The following PTPN3 variants were observed in gnomAD, a reference collection of about 807,000 sequenced individuals.
The protein encoded by PTPN3 is tyrosine-protein phosphatase non-receptor type 3.
A neutral mutation model predicts 132.7 loss-of-function variants in PTPN3; 96 were observed. The ratio of observed to expected loss-of-function variants is 0.72; its 90% confidence interval spans 0.61 to 0.86. The LOEUF (loss-of-function observed/expected upper bound fraction) is 0.86. Among genes scored for constraint, PTPN3 ranks in the 40% least tolerant of loss-of-function variants. PTPN3 has a pLI of 0.00. For missense variants in PTPN3, 1,125 were observed against 1,159.6 expected, an observed-to-expected ratio of 0.97 and a Z score of 0.43; for synonymous variants, 398 against 429.0, an observed-to-expected ratio of 0.93 and a Z score of 0.89.
chr9:109,414,365 G>C (rs1380284069), intron 14 of PTPN3, among the ~76,000 whole-genome samples: 1 of 152,212 alleles, frequency 6.6e-6, no homozygotes, highest in Non-Finnish European at 1.5e-5. Flanking sequence ...CAGCTCTCAG[G>C]TGCTGCAGCT....
intron 1 of PTPN3, among the ~76,000 whole-genome samples, chr9:109,466,175 G>A (rs1031101412): frequency 1.3e-5 from 2 of 152,110 alleles, no homozygotes; most frequent in South Asian, 4.1e-4. Context: ...ACCTAGGTCT[G>A]GTAGAGTTAG....
At chr9:109,506,606 T>TC in the PTPN3 span, among the ~76,000 whole-genome samples, 1 of 110,536 alleles carries the variant, frequency 9.0e-6, no homozygotes, top group Non-Finnish European at 1.8e-5. Context: ...TTTCTTTCTT[T>TC]CTTTTTTTTT....
chr9:109,483,680 C>T (rs1025067020), intron 1 of PTPN3, among the ~76,000 whole-genome samples: 17 of 152,166 alleles, frequency 1.1e-4, no homozygotes, highest in Non-Finnish European at 1.6e-4. Flanking sequence ...AAAGCTCTCA[C>T]CGGGCTCTTA....
In PTPN3 at chr9:109,391,459, C is replaced by T. The variant is rs778535185; in HGVS notation, c.2044+12G>A. 27 of 1,602,912 alleles carry T rather than the reference C, an allele frequency of 1.7e-5. No individual in the cohort carries two copies. The highest frequency in any genetic ancestry group is 8.9e-5 in the East Asian group (4 of 44,786). On this transcript the variant is annotated intron_variant, in intron 20 of 25. Transcript: ENST00000374541. ...TGTAGGGGGGAAGGAGGCATTCATG[C>T]CGGATACTCACAAGGCAGCACATCT...
intron 19 of PTPN3, among the ~76,000 whole-genome samples, chr9:109,401,873 C>A (rs1186388156): frequency 4.6e-5 from 7 of 152,180 alleles, no homozygotes; most frequent in African/African-American, 1.7e-4. Context: ...ACATCTCACT[C>A]CAGGGATCTC....
chr9:109,381,487 T>C (rs1588279762), intron 25 of PTPN3, among the ~76,000 whole-genome samples, 165 bp downstream of exon 25: 1 of 151,474 alleles, frequency 6.6e-6, no homozygotes, highest in East Asian at 2.0e-4. Flanking sequence ...AGCTCAGAGG[T>C]GAGATGGGTG....
intron 1 of PTPN3, among the ~76,000 whole-genome samples, chr9:109,484,380 G>A (rs542676144): frequency 1.3e-5 from 2 of 152,352 alleles, no homozygotes; most frequent in East Asian, 3.9e-4. Flanking sequence ...GCCCTGGAGT[G>A]AGGGAGTGGG....
At position 109,431,382 on chromosome 9, in the gene PTPN3, T is replaced by TGGCACCTGGAGGAAGCCCCC. The variant is rs1198343766; in HGVS notation, c.764+1671_764+1690dup. 5.9e-5 allele frequency among the ~76,000 whole-genome samples: 9 copies of TGGCACCTGGAGGAAGCCCCC among 152,374 alleles called. No individual in the cohort carries two copies. The South Asian group carries it at 1.9e-3, about 32-fold the overall frequency. On this transcript the variant is annotated intron_variant, in intron 10 of 25. Coordinates refer to ENST00000374541, the MANE Select transcript of PTPN3 (RefSeq NM_002829.4). The stretch of plus-strand genomic sequence containing the variant: ...CTGGACCCAAGGGGCTTTAGGCCTG[T>TGGCACCTGGAGGAAGCCCCC]GGCACCTGGAGGAAGCCCCCGGCAT...
At chr9:109,430,048 G>T (rs928465694) in intron 10 of PTPN3, among the ~76,000 whole-genome samples, 10 of 152,176 alleles carry the variant, frequency 6.6e-5, no homozygotes, top group African/African-American at 2.4e-4. Context: ...GTTGGTAGAT[G>T]TAACTGTGAA....
intron 6 of PTPN3, among the ~76,000 whole-genome samples, chr9:109,448,233 G>A (rs1050316239): frequency 2.0e-5 from 3 of 152,142 alleles, no homozygotes; most frequent in African/African-American, 7.2e-5. Context: ...CACAGGGGTT[G>A]GGGGTGCGGT....
At chr9:109,387,943 C>T (rs1839737409) in intron 22 of PTPN3, among the ~76,000 whole-genome samples, 2 of 152,114 alleles carry the variant, frequency 1.3e-5, no homozygotes, top group African/African-American at 4.8e-5. Context: ...TCAAGTATCT[C>T]GTGGGGAAGT....
At chr9:109,470,410 G>C (rs1564471592) in intron 1 of PTPN3, among the ~76,000 whole-genome samples, 1 of 152,042 alleles carries the variant, frequency 6.6e-6, no homozygotes, top group African/African-American at 2.4e-5. Context: ...GTACCTCAAA[G>C]AGGACAGCTT....
chr9:109,402,876 G>A (rs1005368811), intron 19 of PTPN3, among the ~76,000 whole-genome samples: 1 of 152,106 alleles, frequency 6.6e-6, no homozygotes, highest in African/African-American at 2.4e-5. Context: ...TTTGAGACCA[G>A]CCTGGGCAAC....
At chr9:109,452,569 C>CT (rs927089533) in intron 5 of PTPN3, among the ~76,000 whole-genome samples, 307 of 143,790 alleles carry the variant, frequency 2.1e-3, no homozygotes, top group Middle Eastern at 7.2e-3. Flanking sequence ...TCAACAGAGC[C>CT]TTTTTTTTTT....
intron 5 of PTPN3, chr9:109,450,464 G>C: frequency 1.0e-6 from 1 of 982,882 alleles, no homozygotes; most frequent in Non-Finnish European, 1.2e-6. Context: ...GTCTTCCTAG[G>C]GATATAAATG....
intron 1 of PTPN3, among the ~76,000 whole-genome samples, chr9:109,486,112 G>T (rs1430052830): frequency 6.6e-6 from 1 of 152,234 alleles, no homozygotes; most frequent in East Asian, 1.9e-4. Context: ...CACTCAACAT[G>T]TGGTGGCTTA....
chr9:109,383,928 C>T (rs1839346264), intron 22 of PTPN3, among the ~76,000 whole-genome samples: 1 of 152,030 alleles, frequency 6.6e-6, no homozygotes, highest in East Asian at 1.9e-4. Context: ...GGCCCCTCCT[C>T]CTGCACCCCT....
intron 24 of PTPN3, 78 bp from the exon 25 acceptor site, chr9:109,381,865 G>A (rs1839127029): frequency 1.3e-6 from 2 of 1,547,816 alleles, no homozygotes; most frequent in Non-Finnish European, 1.8e-6. Flanking sequence ...GTTCCCCGCT[G>A]ACTCCAAAGG....
Position 109,401,633 on chromosome 9 carries a change from A to G in PTPN3, c.1953+2815T>C, listed in dbSNP as rs1250517358. Among the ~76,000 whole-genome samples, 3 of 152,312 alleles carry G rather than the reference A, an allele frequency of 2.0e-5. No homozygotes were observed. The South Asian group carries it at 6.2e-4, about 32-fold the overall frequency. ...TGGCTTTTCCTCAGTGAGAGCCCAC[A>G]GCGCCTCCTTGTGGACTATCTGATA... On this transcript the variant is annotated intron_variant, in intron 19 of 25. Transcript: ENST00000374541.
Sources: allele counts gnomAD v4.1 joint callset (sites outside exome capture counted in the v4.1 genomes callset), GRCh38; gene constraint gnomAD v4.1.1; transcripts MANE v1.5; gene names NCBI Gene and HGNC (gene_info 2026-07-23, HGNC 2026-07-21).